The following WDR70 variants were observed in gnomAD, a reference collection of about 807,000 sequenced individuals.
WDR70 encodes WD repeat-containing protein 70.
Under a neutral mutation model 88.6 loss-of-function variants are expected in WDR70, and 53 were observed. That is an observed-to-expected ratio of 0.60 (90% CI 0.48 to 0.75). The LOEUF (loss-of-function observed/expected upper bound fraction) is 0.75, where lower values mean the gene tolerates loss of function less well. Ranked by LOEUF, WDR70 falls within the 30% of genes least tolerant of loss-of-function variation. The pLI is 0.00. For synonymous variants in WDR70, 280 were observed against 270.0 expected (o/e 1.04, Z -0.36); for missense variants, 610 against 823.2 (o/e 0.74, Z 3.17).
chr5:37,689,770 A>T (rs1746727274), intron 10 of WDR70, among the ~76,000 whole-genome samples: 2 of 152,250 alleles, frequency 1.3e-5, no homozygotes, highest in African/African-American at 4.8e-5. Flanking sequence ...AGAGCAGAAA[A>T]GCTGAAAATT....
At chr5:37,388,345 T>C (rs947354017) in intron 3 of WDR70, among the ~76,000 whole-genome samples, 3 of 149,308 alleles carry the variant, frequency 2.0e-5, no homozygotes, top group Non-Finnish European at 4.5e-5. Context: ...CTCGAACTCC[T>C]GACCTCGTGA....
intron 3 of WDR70, among the ~76,000 whole-genome samples, chr5:37,383,727 C>CT (rs1267392895): frequency 6.6e-6 from 1 of 152,094 alleles, no homozygotes; most frequent in Non-Finnish European, 1.5e-5. Flanking sequence ...CTACAGGTGC[C>CT]TGCCAACACG....
intron 5 of WDR70, among the ~76,000 whole-genome samples, chr5:37,405,217 C>T (rs914208017): frequency 2.0e-5 from 3 of 151,832 alleles, no homozygotes; most frequent in African/African-American, 7.3e-5. Flanking sequence ...TTTAGTAGCA[C>T]TAGGAAAGGA....
chr5:37,701,176 A>C (rs777819069), intron 12 of WDR70, 34 bp downstream of exon 12: 3 of 1,340,882 alleles, frequency 2.2e-6, no homozygotes. Flanking sequence ...TGATCAGCAT[A>C]GAAGAATGGA....
At chr5:37,660,586 G>A (rs1476217530) in intron 10 of WDR70, among the ~76,000 whole-genome samples, 1 of 151,880 alleles carries the variant, frequency 6.6e-6, no homozygotes, top group African/African-American at 2.4e-5. Context: ...ATTCTTTAGA[G>A]CCTCTACTTT....
At chr5:37,728,365 A>C (rs148850351) in intron 17 of WDR70, among the ~76,000 whole-genome samples, 5,929 of 22,324 alleles carry the variant, frequency 0.27, 156 homozygotes, top group Middle Eastern at 0.47. Context: ...AAAAAAAAAC[A>C]AAAAAAAAAA....
chr5:37,689,207 T>G (rs1019589678), intron 10 of WDR70, among the ~76,000 whole-genome samples: 5 of 152,256 alleles, frequency 3.3e-5, no homozygotes, highest in Admixed American at 6.5e-5. Context: ...TGGAGCCCAC[T>G]GCAGCTAAGC....
At chr5:37,613,475 C>G (rs74642737) in intron 10 of WDR70, among the ~76,000 whole-genome samples, 98 of 152,282 alleles carry the variant, frequency 6.4e-4, no homozygotes, top group African/African-American at 2.2e-3. Context: ...GTAGGAGAAG[C>G]CTGTAAAAGG....
At chr5:37,752,361 ATAT>A (rs1356249150) in intron 17 of WDR70, 122 bp from the exon 18 acceptor site, 1 of 633,952 alleles carries the variant, frequency 1.6e-6, no homozygotes, top group Non-Finnish European at 2.7e-6. Flanking sequence ...TTAATGATTT[ATAT>A]TTAATAATTG....
chr5:37,483,883 C>A (rs1294475993), intron 8 of WDR70, among the ~76,000 whole-genome samples: 6 of 147,594 alleles, frequency 4.1e-5, no homozygotes, highest in Non-Finnish European at 7.4e-5. Flanking sequence ...TCAGACGGGG[C>A]AGCTGGGCAG....
At chr5:37,441,523 TA>T (rs932591328) in intron 6 of WDR70, among the ~76,000 whole-genome samples, 11 of 152,128 alleles carry the variant, frequency 7.2e-5, no homozygotes, top group African/African-American at 2.7e-4. Context: ...TTCCTTTATG[TA>T]AAACGTTGAC....
chr5:37,560,865 G>A (rs2112374925), intron 9 of WDR70, among the ~76,000 whole-genome samples: 1 of 135,786 alleles, frequency 7.4e-6, no homozygotes, highest in African/African-American at 2.8e-5. Flanking sequence ...CAGACAGATT[G>A]CACTAGTGCA....
intron 5 of WDR70, among the ~76,000 whole-genome samples, chr5:37,412,430 A>G (rs1749553894): frequency 6.6e-6 from 1 of 151,840 alleles, no homozygotes; most frequent in Non-Finnish European, 1.5e-5. Flanking sequence ...AACCATTTCT[A>G]TTACTTGTTC....
intron 17 of WDR70, among the ~76,000 whole-genome samples, chr5:37,748,452 A>G (rs1371869384): frequency 6.6e-6 from 1 of 152,222 alleles, no homozygotes; most frequent in Admixed American, 6.5e-5. Flanking sequence ...TACCTTATAC[A>G]AGAATTAACT....
intron 9 of WDR70, among the ~76,000 whole-genome samples, chr5:37,523,890 A>G (rs1265113535): frequency 2.0e-5 from 3 of 152,252 alleles, no homozygotes; most frequent in Non-Finnish European, 4.4e-5. Context: ...GTGATTGAAG[A>G]TCAAATGAAT....
At chr5:37,428,739 C>G (rs564110646) in intron 5 of WDR70, among the ~76,000 whole-genome samples, 1 of 152,060 alleles carries the variant, frequency 6.6e-6, no homozygotes, top group Non-Finnish European at 1.5e-5. Flanking sequence ...TTGTACAGGT[C>G]TTTTTGTAGA....
chr5:37,640,372 A>G (rs1343745653), intron 10 of WDR70, among the ~76,000 whole-genome samples: 1 of 152,130 alleles, frequency 6.6e-6, no homozygotes, highest in Non-Finnish European at 1.5e-5. Flanking sequence ...TTTTATTTCC[A>G]TGATAATTCT....
chr5:37,461,498 G>C (rs1050197560), intron 7 of WDR70, among the ~76,000 whole-genome samples: 2 of 151,618 alleles, frequency 1.3e-5, no homozygotes, highest in African/African-American at 4.8e-5. Flanking sequence ...CTGTGCAACA[G>C]AGTGAGACAG....
Position 37,449,434 on chromosome 5 carries a change from A to C in WDR70, c.686+6062A>C, listed in dbSNP as rs145506882. Among the ~76,000 whole-genome samples the C allele has an allele frequency of 8.3e-3, 1,257 of 152,178 alleles. 18 individuals are homozygous for C. The highest frequency in any genetic ancestry group is 0.028 in the African/African-American group (1,156 of 41,508). On this transcript the variant is annotated intron_variant, in intron 7 of 17. Coordinates refer to ENST00000265107, the MANE Select transcript of WDR70 (RefSeq NM_018034.4). ...TGGTGAAACCCCGTCTGTACTAAAA[A>C]TACAAAAATTAGCCGGGCATGTTGG... is the stretch of plus-strand genomic sequence containing the variant.
Sources: allele counts gnomAD v4.1 joint callset (sites outside exome capture counted in the v4.1 genomes callset), GRCh38; gene constraint gnomAD v4.1.1; transcripts MANE v1.5; gene names NCBI Gene and HGNC (gene_info 2026-07-23, HGNC 2026-07-21).